HOXA3: variants seen among roughly 807,000 people sequenced by gnomAD.
HOXA3 encodes the protein homeobox protein Hox-A3.
A neutral mutation model predicts 30.3 loss-of-function variants in HOXA3; 8 were observed. The observed-to-expected ratio is 0.26, with a 90% CI of 0.15 to 0.48. The LOEUF is 0.48. Among genes scored for constraint, HOXA3 ranks in the 20% least tolerant of loss-of-function variants. The pLI is 0.99. For synonymous variants in HOXA3, 323 were observed against 273.1 expected (o/e 1.18, Z -1.80); for missense variants, 653 against 614.4 (o/e 1.06, Z -0.66).
chr7:27,114,414 T>C, intron 4 of HOXA3, among the ~76,000 whole-genome samples: 1 of 151,776 alleles, frequency 6.6e-6, no homozygotes, highest in Admixed American at 6.6e-5. Context: ...CCCAGTTTAC[T>C]TCACCTGCAA....
At chr7:27,118,166 T>C (rs1784824112) in intron 4 of HOXA3, among the ~76,000 whole-genome samples, 1 of 152,192 alleles carries the variant, frequency 6.6e-6, no homozygotes, top group African/African-American at 2.4e-5. Context: ...AATTCCATCC[T>C]CCTGGTATAG....
Position 27,108,367 on chromosome 7 carries a change from G to T in HOXA3, c.880C>A (p.Pro294Thr), listed in dbSNP as rs1784150267. 8 of 1,555,280 alleles carry T rather than the reference G, an allele frequency of 5.1e-6. No individual in the cohort carries two copies. The highest frequency in any genetic ancestry group is 7.0e-6 in the Non-Finnish European group (8 of 1,143,444). ...VNSVPYEPQSPPPFSKPPQGT... is the reference protein window; with the variant it reads ...VNSVPYEPQSTPPFSKPPQGT... ...TGGGGGGGCTTGGAGAAGGGCGGGGGCGACTGGGGCTCATACGGGACGCTG... is the reference window on the plus strand; with the variant it reads ...TGGGGGGGCTTGGAGAAGGGCGGGGTCGACTGGGGCTCATACGGGACGCTG... The change falls in exon 6 of 6, where the codon CCC becomes ACC. Residue 294 changes from proline to threonine, a missense_variant. Physicochemically the swap from Pro to Thr is conservative, Grantham distance 38. Transcript: ENST00000612286. The surrounding 1 kb of genome is among the most constrained non-coding windows in gnomAD (Gnocchi z 5.0).
At chr7:27,109,033 C>G (rs1261124565) in intron 5 of HOXA3, among the ~76,000 whole-genome samples, 1 of 148,036 alleles carries the variant, frequency 6.8e-6, no homozygotes, top group African/African-American at 2.4e-5. Flanking sequence ...GTCCCTTTGG[C>G]CTATCGGACA....
intron 1 of HOXA3, chr7:27,143,473 G>A: frequency 2.5e-6 from 4 of 1,613,842 alleles, no homozygotes; most frequent in Non-Finnish European, 3.4e-6. Context: ...AGCCGTAGCC[G>A]TACCTGCCGG....
intron 2 of HOXA3, chr7:27,129,605 G>GGAGGAGGGAGCGGAAGAGAGGGA (rs1397442863): frequency 1.9e-6 from 3 of 1,605,756 alleles, no homozygotes; most frequent in Non-Finnish European, 2.5e-6. Flanking sequence ...AGAAGGCCAA[G>GGAGGAGGGAGCGGAAGAGAGGGA]GAGGAGGGAG....
intron 2 of HOXA3, among the ~76,000 whole-genome samples, chr7:27,137,696 G>A (rs920241990): frequency 3.3e-5 from 5 of 152,228 alleles, no homozygotes; most frequent in African/African-American, 1.2e-4. Flanking sequence ...ATGTGGCCAT[G>A]TGGGTTTGCC....
chr7:27,144,522 A>G (rs1323013105), intron 1 of HOXA3, among the ~76,000 whole-genome samples: 3 of 152,166 alleles, frequency 2.0e-5, no homozygotes, highest in Admixed American at 6.5e-5. Flanking sequence ...CAGCCTGGAA[A>G]ATCTTCATCA....
chr7:27,151,522 G>T (rs750094141), intron 1 of HOXA3: 2 of 453,152 alleles, frequency 4.4e-6, no homozygotes, highest in African/African-American at 2.0e-5. Context: ...CCTCTGCACC[G>T]AAACTTCCCA....
chr7:27,127,746 G>A (rs927588616), intron 2 of HOXA3, among the ~76,000 whole-genome samples: 1 of 152,112 alleles, frequency 6.6e-6, no homozygotes, highest in Admixed American at 6.5e-5. Context: ...CTCTGGAATC[G>A]AGCAGAAAAT....
At chr7:27,126,696 C>T (rs1048558635) in intron 3 of HOXA3, among the ~76,000 whole-genome samples, 190 bp downstream of exon 3, 1 of 152,262 alleles carries the variant, frequency 6.6e-6, no homozygotes, top group African/African-American at 2.4e-5. Flanking sequence ...ACAGTTGGGA[C>T]AAAAATGCCA....
In HOXA3 at chr7:27,108,149, G is replaced by T; in HGVS notation, c.1098C>A (p.Phe366Leu). Residue 366 changes from phenylalanine to leucine, a missense_variant, in exon 6 of 6, where the codon TTC becomes TTA. Phe to Leu is a conservative substitution (Grantham distance 22, BLOSUM62 0). This residue lies in a region of HOXA3 where 330 missense variants were observed against 274.4 expected (regional missense o/e 1.20). Coordinates refer to ENST00000612286, the MANE Select transcript of HOXA3 (RefSeq NM_153631.3). This position sits in a 1 kb window ranked among gnomAD's most constrained non-coding sequence, Gnocchi z 5.0. ...TGGGCTCCACATAGCTGCCCCCCACGAAGACGGGGCTTCCCTGTATGTGTG... is the reference window on the plus strand; with the variant it reads ...TGGGCTCCACATAGCTGCCCCCCACTAAGACGGGGCTTCCCTGTATGTGTG... ...GTPHIQGSPV[F>L]VGGSYVEPMS... 1 of 1,585,234 alleles carries T rather than the reference G, an allele frequency of 6.3e-7. No homozygotes were observed.
At chr7:27,145,977 C>T in intron 1 of HOXA3, 1 of 1,549,006 alleles carries the variant, frequency 6.5e-7, no homozygotes. Context: ...ACCCAGTCAG[C>T]CCAGTGCCTC....
At chr7:27,136,844 G>A (rs1785730011) in intron 2 of HOXA3, among the ~76,000 whole-genome samples, 1 of 152,198 alleles carries the variant, frequency 6.6e-6, no homozygotes, top group African/African-American at 2.4e-5. Context: ...TTCAAGTTCT[G>A]GGGCTTAGAA....
intron 2 of HOXA3, among the ~76,000 whole-genome samples, chr7:27,132,304 A>G (rs951930652): frequency 1.3e-5 from 2 of 152,246 alleles, no homozygotes; most frequent in African/African-American, 4.8e-5. Context: ...AAGGAAAATT[A>G]TTTCCTAAGC....
At chr7:27,128,900 T>C (rs1785393580) in intron 2 of HOXA3, 1 of 383,944 alleles carries the variant, frequency 2.6e-6, no homozygotes, top group Non-Finnish European at 4.8e-6. Flanking sequence ...CCACTCAGCA[T>C]GGGCTGTCCA....
At chr7:27,143,805 T>C in intron 1 of HOXA3, 6 of 1,009,204 alleles carry the variant, frequency 5.9e-6, no homozygotes, top group Non-Finnish European at 8.0e-6. Flanking sequence ...TGATGACCTC[T>C]AGAGGTAAAC....
At chr7:27,143,040 C>G (rs952573601) in intron 1 of HOXA3, 13 of 1,504,024 alleles carry the variant, frequency 8.6e-6, no homozygotes, top group African/African-American at 1.5e-5. Context: ...AAAAGGCTGG[C>G]TTTACCATGA....
intron 4 of HOXA3, among the ~76,000 whole-genome samples, chr7:27,114,877 A>ATATAATATATAT (rs1784625021): frequency 8.4e-6 from 1 of 119,264 alleles, no homozygotes; most frequent in African/African-American, 3.1e-5. Flanking sequence ...TATATTATAT[A>ATATAATATATAT]TATGTATATA....
chr7:27,110,091 C>G, intron 5 of HOXA3, 24 bp downstream of exon 5: 1 of 1,614,120 alleles, frequency 6.2e-7, no homozygotes, highest in Non-Finnish European at 8.5e-7. Flanking sequence ...CCAGAGGACC[C>G]TCTTCCAGAA....
Sources: gnomAD v4.1 joint callset for allele counts (sites outside exome capture counted in the v4.1 genomes callset) on GRCh38, gnomAD v4.1.1 for gene constraint, gnomAD v4.1.1 regional missense constraint, Gnocchi (gnomAD v3.1) non-coding constraint, MANE v1.5 for transcripts, NCBI Gene and HGNC (gene_info 2026-07-23, HGNC 2026-07-21) for gene names.